The following CBR4 variants were observed in gnomAD, a reference collection of about 807,000 sequenced individuals.
CBR4 encodes the protein carbonyl reductase 4.
Under a neutral mutation model 21.0 loss-of-function variants are expected in CBR4, and 22 were observed. That is an observed-to-expected ratio of 1.05 (90% CI 0.75 to 1.50). The LOEUF (loss-of-function observed/expected upper bound fraction) is 1.50. CBR4 is among the 40% of genes most tolerant of loss of function. CBR4 has a pLI of 0.00. For synonymous variants in CBR4, 100 were observed against 104.4 expected (o/e 0.96, Z 0.26); for missense variants, 302 against 286.3 (o/e 1.05, Z -0.40).
chr4:168,966,118 T>C (rs1764017922), intron 2 of CBR4, among the ~76,000 whole-genome samples: 1 of 152,100 alleles, frequency 6.6e-6, no homozygotes, highest in South Asian at 2.1e-4. Flanking sequence ...AAGACATTTA[T>C]GCAGCCAACA....
intron 1 of CBR4, chr4:169,008,940 G>C (rs1197806325): frequency 4.4e-6 from 2 of 453,594 alleles, no homozygotes; most frequent in African/African-American, 4.0e-5. Context: ...ACTTAAAAAT[G>C]AACAGCCACA....
chr4:168,956,597 CAAAAAAAAAAAAA>C (rs59962690), intron 2 of CBR4, among the ~76,000 whole-genome samples: 5 of 29,708 alleles, frequency 1.7e-4, no homozygotes, highest in Admixed American at 5.4e-4. Context: ...GACCCTGTCT[CAAAAAAAAAAAAA>C]AAAAAAAAAA....
intron 4 of CBR4, among the ~76,000 whole-genome samples, chr4:169,000,406 T>G (rs1028530982): frequency 7.3e-5 from 11 of 151,320 alleles, no homozygotes; most frequent in African/African-American, 2.7e-4. Flanking sequence ...AGAAAAGAAT[T>G]GAAATAAAGA....
intron 2 of CBR4, among the ~76,000 whole-genome samples, chr4:168,978,762 G>A (rs981109804): frequency 7.9e-5 from 12 of 152,096 alleles, no homozygotes; most frequent in African/African-American, 2.2e-4. Context: ...AGGTTCTCAC[G>A]CATACCCCCA....
chr4:168,992,598 A>G (rs745961018), intron 4 of CBR4, among the ~76,000 whole-genome samples: 3 of 152,232 alleles, frequency 2.0e-5, no homozygotes, highest in Non-Finnish European at 4.4e-5. Context: ...TGTAGGTTAC[A>G]AATGAATTAA....
chr4:168,966,149 A>G (rs1193031704), intron 2 of CBR4, among the ~76,000 whole-genome samples: 1 of 152,184 alleles, frequency 6.6e-6, no homozygotes, highest in Non-Finnish European at 1.5e-5. Flanking sequence ...AAAAATGTTC[A>G]TCATCACTGG....
chr4:168,932,783 T>G (rs1483426213), intron 2 of CBR4, among the ~76,000 whole-genome samples: 1 of 152,112 alleles, frequency 6.6e-6, no homozygotes, highest in African/African-American at 2.4e-5. Context: ...TTCAATGTAC[T>G]AAAAGAAAAA....
intron 2 of CBR4, among the ~76,000 whole-genome samples, chr4:168,971,279 T>C (rs1764198883): frequency 6.6e-6 from 1 of 152,036 alleles, no homozygotes; most frequent in Admixed American, 6.6e-5. Context: ...TTATTTTTTA[T>C]CTTTTTTGAG....
chr4:168,911,339 G>C (rs1342628353), intron 2 of CBR4, among the ~76,000 whole-genome samples: 1 of 152,136 alleles, frequency 6.6e-6, no homozygotes, highest in Non-Finnish European at 1.5e-5. Context: ...CCGCATAAAT[G>C]ATTAGTTCAT....
At chr4:168,938,413 C>G (rs1763171567) in intron 2 of CBR4, among the ~76,000 whole-genome samples, 1 of 152,030 alleles carries the variant, frequency 6.6e-6, no homozygotes, top group South Asian at 2.1e-4. Context: ...ACTACAGAAG[C>G]AAGCACAAAT....
At chr4:168,967,944 G>T (rs1764091895) in intron 2 of CBR4, among the ~76,000 whole-genome samples, 1 of 152,126 alleles carries the variant, frequency 6.6e-6, no homozygotes, top group Non-Finnish European at 1.5e-5. Flanking sequence ...CAACTGTTGT[G>T]GTAGCTCATC....
chr4:168,973,070 T>C (rs973963589), intron 2 of CBR4, among the ~76,000 whole-genome samples: 1 of 152,210 alleles, frequency 6.6e-6, no homozygotes, highest in Non-Finnish European at 1.5e-5. Flanking sequence ...ATGTGGTGTA[T>C]TGCATCTATT....
intron 2 of CBR4, among the ~76,000 whole-genome samples, chr4:168,957,836 G>T (rs1014505650): frequency 6.6e-6 from 1 of 152,100 alleles, no homozygotes; most frequent in Non-Finnish European, 1.5e-5. Context: ...GAATCATGGG[G>T]GTAGTTACCT....
chr4:168,988,266 A>C lies in CBR4; in HGVS notation c.*1884T>G, dbSNP rs760815378. 5.1e-6 allele frequency: 5 copies of C among 985,330 alleles called. No individual in the cohort carries two copies. The highest frequency in any genetic ancestry group is 6.0e-6 in the Non-Finnish European group (5 of 829,920). The allele number at this position is 985,330 out of a possible 1,614,324, so 61.0% of individuals were successfully genotyped here. A position where few individuals can be genotyped will look rare whatever the true frequency, so the allele number is the denominator to read the frequency against. ...TCCATATATTCCACCAGTTTGAGAT[A>C]GGCTGGGGGAGGAGGTGGAATAGCT... On this transcript the variant is annotated 3_prime_UTR_variant, in exon 5 of 5. Transcript: ENST00000306193.
intron 2 of CBR4, among the ~76,000 whole-genome samples, chr4:168,920,190 C>T (rs553718883): frequency 2.6e-5 from 4 of 152,322 alleles, no homozygotes; most frequent in African/African-American, 7.2e-5. Context: ...ACATGGAGAG[C>T]TGGGGACAGC....
rs1731306553 is a variant in CBR4, at chr4:169,010,128, G to A, written c.-39C>T. On this transcript the variant is annotated 5_prime_UTR_variant, in exon 1 of 5. Coordinates refer to ENST00000306193, the MANE Select transcript of CBR4 (RefSeq NM_032783.5). Reference sequence around the variant, plus strand: ...ACTCGGAGGAAAGAGGGTAGGGAGTGGGAGCCCCTCTCCAGGTTCCCTCAG... The same window carrying A: ...ACTCGGAGGAAAGAGGGTAGGGAGTAGGAGCCCCTCTCCAGGTTCCCTCAG... 6.5e-7 allele frequency: 1 copy of A among 1,535,774 alleles called. No individual in the cohort carries two copies. Among genetic ancestry groups the A allele is most frequent in the Non-Finnish European group, 8.8e-7 (1 of 1,135,164 alleles).
chr4:168,941,182 G>T (rs1391519281), intron 2 of CBR4, among the ~76,000 whole-genome samples: 1 of 152,082 alleles, frequency 6.6e-6, no homozygotes, highest in Non-Finnish European at 1.5e-5. Flanking sequence ...TGTCGGGGGT[G>T]GGGGCCTGGG....
chr4:168,985,926 T>C (rs1445269667), downstream of CBR4, among the ~76,000 whole-genome samples: 1 of 151,982 alleles, frequency 6.6e-6, no homozygotes, highest in East Asian at 1.9e-4. Flanking sequence ...GGTGGGAGGA[T>C]GGAGAAGATT....
downstream of CBR4, among the ~76,000 whole-genome samples, chr4:168,985,466 G>C (rs1034053187): frequency 3.3e-5 from 5 of 152,154 alleles, no homozygotes; most frequent in African/African-American, 1.2e-4. Flanking sequence ...CAGCCACTGT[G>C]GAAAACAGTC....
Sources: allele counts gnomAD v4.1 joint callset (sites outside exome capture counted in the v4.1 genomes callset), GRCh38; gene constraint gnomAD v4.1.1; transcripts MANE v1.5; gene names NCBI Gene and HGNC (gene_info 2026-07-23, HGNC 2026-07-21).